The following AOPEP variants were observed in gnomAD, a reference collection of about 807,000 sequenced individuals.
AOPEP encodes the protein aminopeptidase O (putative).
In AOPEP, 77 loss-of-function variants were observed where a neutral mutation model predicts 98.1. That is an observed-to-expected ratio of 0.78 (90% CI 0.65 to 0.95). The LOEUF (loss-of-function observed/expected upper bound fraction) is 0.95. Ranked by LOEUF, AOPEP falls within the 40% of genes least tolerant of loss-of-function variation. AOPEP has a pLI of 0.00. For missense variants in AOPEP, 1,024 were observed against 1,024.7 expected (o/e 1.00, Z 0.01); for synonymous variants, 346 against 365.3 (o/e 0.95, Z 0.60).
downstream of AOPEP, among the ~76,000 whole-genome samples, chr9:95,090,113 C>T (rs1286578253): frequency 1.5e-4 from 23 of 152,236 alleles, no homozygotes; most frequent in Admixed American, 1.5e-3. Context: ...CACTGAGGGG[C>T]TGGAGGGCAG....
intron 5 of AOPEP, among the ~76,000 whole-genome samples, chr9:94,835,248 A>G (rs991572471): frequency 3.1e-4 from 47 of 152,226 alleles, no homozygotes; most frequent in African/African-American, 1.0e-3. Flanking sequence ...GGAGGCCACC[A>G]CAGGATGTAC....
intron 1 of AOPEP, among the ~76,000 whole-genome samples, chr9:94,737,758 A>G (rs1158375873): frequency 6.6e-6 from 1 of 152,228 alleles, no homozygotes; most frequent in African/African-American, 2.4e-5. Context: ...TGGTGTGCTT[A>G]AGAGTGAGGG....
intron 14 of AOPEP, among the ~76,000 whole-genome samples, chr9:95,061,168 T>C (rs1470342216): frequency 6.6e-6 from 1 of 152,230 alleles, no homozygotes; most frequent in Non-Finnish European, 1.5e-5. Flanking sequence ...CAGAGCTTCT[T>C]GGTTGCATTC....
At position 94,800,772 on chromosome 9, in the gene AOPEP, C is replaced by T. The variant is rs1848048117; in HGVS notation, c.1134C>T (p.Cys378=). The stretch of plus-strand genomic sequence containing the variant: ...TTATTCCCAGGCATGTTGGTGTTTG[C>T]AGTCACATGGAATACCCCTGCCGCT... ...SEANFRHVGV[C]SHMEYPCRFQ... Residue 378 remains cysteine, a synonymous_variant, in exon 5 of 17, where the codon TGC becomes TGT. Transcript: ENST00000375315. 1.2e-6 allele frequency: 2 copies of T among 1,614,012 alleles called. No homozygotes were observed. The highest frequency in any genetic ancestry group is 3.3e-5 in the Admixed American group (2 of 60,026).
At chr9:94,730,944 A>T (rs1830383074) in intron 1 of AOPEP, among the ~76,000 whole-genome samples, 1 of 152,210 alleles carries the variant, frequency 6.6e-6, no homozygotes, top group Non-Finnish European at 1.5e-5. Context: ...AAAAAAGACG[A>T]TTAATTTGCT....
the AOPEP span, among the ~76,000 whole-genome samples, chr9:95,147,446 G>A: frequency 2.0e-5 from 3 of 152,200 alleles, no homozygotes; most frequent in African/African-American, 4.8e-5. Context: ...AACCCGGAAG[G>A]CAGAGGTTGC....
At chr9:94,846,677 G>A (rs960801252) in intron 5 of AOPEP, among the ~76,000 whole-genome samples, 1 of 152,210 alleles carries the variant, frequency 6.6e-6, no homozygotes, top group African/African-American at 2.4e-5. Context: ...AGGCCGAGGT[G>A]GTGGGAGGAT....
At chr9:94,987,585 C>T (rs537116999) in intron 11 of AOPEP, among the ~76,000 whole-genome samples, 1 of 152,320 alleles carries the variant, frequency 6.6e-6, no homozygotes, top group South Asian at 2.1e-4. Flanking sequence ...TCCCATTCAG[C>T]CTCCTTCTCA....
chr9:94,933,834 G>A (rs1014710138), intron 7 of AOPEP, among the ~76,000 whole-genome samples: 6 of 151,184 alleles, frequency 4.0e-5, no homozygotes, highest in African/African-American at 1.2e-4. Context: ...TGCAAGCTCC[G>A]CCTCCCATGT....
intron 16 of AOPEP, chr9:95,086,266 AC>A (rs2070685946): frequency 8.3e-7 from 1 of 1,206,866 alleles, no homozygotes; most frequent in Non-Finnish European, 1.1e-6. Flanking sequence ...GACTTGGAAA[AC>A]CCTGTTGGCA....
At chr9:94,813,138 A>G (rs1228707511) in intron 5 of AOPEP, among the ~76,000 whole-genome samples, 1 of 152,200 alleles carries the variant, frequency 6.6e-6, no homozygotes, top group Admixed American at 6.5e-5. Context: ...GGTGGGTTAT[A>G]GAGTCTGCTG....
At chr9:94,854,993 C>A (rs1000054971) in intron 5 of AOPEP, among the ~76,000 whole-genome samples, 28 of 152,328 alleles carry the variant, frequency 1.8e-4, no homozygotes, top group African/African-American at 5.8e-4. Context: ...TCTATACATA[C>A]TCTAAACAGT....
chr9:94,850,637 C>T (rs2043441971), intron 5 of AOPEP, among the ~76,000 whole-genome samples: 1 of 152,194 alleles, frequency 6.6e-6, no homozygotes, highest in South Asian at 2.1e-4. Flanking sequence ...CGATGCTGTA[C>T]AGCCTCTTTC....
chr9:94,767,804 C>G (rs1455534778), intron 2 of AOPEP, among the ~76,000 whole-genome samples: 1 of 152,194 alleles, frequency 6.6e-6, no homozygotes, highest in East Asian at 1.9e-4. Flanking sequence ...CTTTCTGAGT[C>G]AAAGCAGCAT....
chr9:95,125,846 G>A, the AOPEP span, among the ~76,000 whole-genome samples: 1 of 152,202 alleles, frequency 6.6e-6, no homozygotes, highest in Non-Finnish European at 1.5e-5. Context: ...TCCCCTGGAA[G>A]AGGGGCTGGG....
chr9:94,735,642 A>G (rs1831582622), intron 1 of AOPEP, among the ~76,000 whole-genome samples: 1 of 152,214 alleles, frequency 6.6e-6, no homozygotes, highest in Non-Finnish European at 1.5e-5. Context: ...TTCCAAGGAG[A>G]GTGATTTTAA....
chr9:95,136,871 C>T, the AOPEP span, among the ~76,000 whole-genome samples: 2 of 152,126 alleles, frequency 1.3e-5, no homozygotes, highest in African/African-American at 4.8e-5. Flanking sequence ...CTCCACTTCC[C>T]CTCCCTGGAG....
intron 5 of AOPEP, among the ~76,000 whole-genome samples, chr9:94,844,924 T>G (rs1427767962): frequency 6.6e-6 from 1 of 152,040 alleles, no homozygotes; most frequent in East Asian, 1.9e-4. Flanking sequence ...AATAGAAAAG[T>G]GACCATTTCA....
At chr9:94,731,891 TCTCCTGC>T (rs942200998) in intron 1 of AOPEP, among the ~76,000 whole-genome samples, 1 of 148,848 alleles carries the variant, frequency 6.7e-6, no homozygotes, top group African/African-American at 2.5e-5. Flanking sequence ...TTCTAGCAAT[TCTCCTGC>T]CTCAGCCTCC....
Sources: allele counts gnomAD v4.1 joint callset (sites outside exome capture counted in the v4.1 genomes callset), GRCh38; gene constraint gnomAD v4.1.1; transcripts MANE v1.5; gene names NCBI Gene and HGNC (gene_info 2026-07-23, HGNC 2026-07-21).